CSMD1: variants seen among roughly 807,000 people sequenced by gnomAD.
CSMD1 encodes CUB and Sushi multiple domains 1, also known as CUB and sushi domain-containing protein 1.
Under a neutral mutation model 417.5 loss-of-function variants are expected in CSMD1, and 213 were observed. The observed-to-expected ratio is 0.51, with a 90% CI of 0.46 to 0.57. The LOEUF (loss-of-function observed/expected upper bound fraction) is 0.57, where lower values mean the gene tolerates loss of function less well. Among genes scored for constraint, CSMD1 ranks in the 20% least tolerant of loss-of-function variants. The pLI, the probability that CSMD1 is intolerant of heterozygous loss-of-function variation, is 0.00. For synonymous variants in CSMD1, 2,862 were observed against 1,736.8 expected, an observed-to-expected ratio of 1.65 and a Z score of -16.11; for missense variants, 6,923 against 4,529.7, an observed-to-expected ratio of 1.53 and a Z score of -15.17.
intron 29 of CSMD1, among the ~76,000 whole-genome samples, chr8:3,215,205 A>G (rs1485438279): frequency 2.0e-5 from 3 of 152,356 alleles, no homozygotes; most frequent in East Asian, 3.9e-4. Context: ...AACAACAGAC[A>G]GACTTAGAAG....
intron 5 of CSMD1, among the ~76,000 whole-genome samples, chr8:3,778,361 A>C (rs1375308273): frequency 6.6e-6 from 1 of 152,192 alleles, no homozygotes; most frequent in Non-Finnish European, 1.5e-5. Context: ...AGCTGTCTGG[A>C]ATCATTTCGG....
intron 2 of CSMD1, among the ~76,000 whole-genome samples, chr8:4,458,928 G>C (rs7824287): frequency 6.6e-6 from 1 of 152,194 alleles, no homozygotes; most frequent in South Asian, 2.1e-4. Context: ...TAAGTTTCTG[G>C]AAGTGCATTA....
intron 3 of CSMD1, among the ~76,000 whole-genome samples, chr8:4,163,347 A>T (rs567621993): frequency 9.8e-5 from 15 of 152,290 alleles, no homozygotes; most frequent in African/African-American, 3.1e-4. Flanking sequence ...TCGCATTCCC[A>T]TCAGCCATAA....
intron 1 of CSMD1, among the ~76,000 whole-genome samples, chr8:4,747,689 T>C (rs556853692): frequency 6.6e-6 from 1 of 152,296 alleles, no homozygotes; most frequent in East Asian, 1.9e-4. Context: ...GCACAAGGCT[T>C]TTCCACCTAC....
At chr8:3,453,305 A>G (rs1248848906) in intron 12 of CSMD1, among the ~76,000 whole-genome samples, 1 of 151,560 alleles carries the variant, frequency 6.6e-6, no homozygotes, top group Non-Finnish European at 1.5e-5. Context: ...TTGTGTCTCT[A>G]TTTCGTTCAC....
At chr8:4,270,158 C>G (rs1358088864) in intron 3 of CSMD1, among the ~76,000 whole-genome samples, 3 of 152,186 alleles carry the variant, frequency 2.0e-5, no homozygotes, top group East Asian at 1.9e-4. Flanking sequence ...GGACGAGAGA[C>G]TTGAAGGAGG....
intron 3 of CSMD1, among the ~76,000 whole-genome samples, chr8:4,339,668 T>C (rs1303613255): frequency 6.6e-6 from 1 of 152,042 alleles, no homozygotes; most frequent in Non-Finnish European, 1.5e-5. Context: ...TATGTTATGT[T>C]TGGATGGCCA....
intron 3 of CSMD1, among the ~76,000 whole-genome samples, chr8:4,354,881 T>A (rs192567589): frequency 6.7e-6 from 1 of 149,376 alleles, no homozygotes; most frequent in African/African-American, 2.5e-5. Flanking sequence ...TGTGTGTGTG[T>A]GTGTGTGTGT....
intron 3 of CSMD1, among the ~76,000 whole-genome samples, chr8:4,044,945 G>C (rs1036051648): frequency 6.6e-6 from 1 of 152,196 alleles, no homozygotes; most frequent in Admixed American, 6.5e-5. Context: ...CATGGCATCT[G>C]AGAGTAATTA....
chr8:3,050,810 A>G (rs934283004), intron 50 of CSMD1, among the ~76,000 whole-genome samples: 2 of 152,228 alleles, frequency 1.3e-5, no homozygotes, highest in South Asian at 4.1e-4. Context: ...GATATAAGTT[A>G]GTTTAAAATT....
rs553118045 is a variant in CSMD1, at chr8:3,723,658, C to G, written c.932-15167G>C. 1.1e-3 allele frequency among the ~76,000 whole-genome samples: 80 copies of G among 74,174 alleles called. No homozygotes were observed. The Middle Eastern group carries it at 0.024, about 22-fold the overall frequency. 48.7% of individuals were successfully genotyped at this position (74,174 alleles called of 152,430 possible). A position where few individuals can be genotyped will look rare whatever the true frequency, so the allele number is the denominator to read the frequency against. ...AGTAGTGTCTGTCTTTGTAACTTCC[C>G]AAAACTTAAAGACTTTTTTTGGTAA... On this transcript the variant is annotated intron_variant, in intron 6 of 69. Transcript: ENST00000635120.
At chr8:4,534,496 G>C (rs1029425864) in intron 2 of CSMD1, among the ~76,000 whole-genome samples, 2 of 152,088 alleles carry the variant, frequency 1.3e-5, no homozygotes, top group Non-Finnish European at 2.9e-5. Context: ...AGATACAGCG[G>C]GGTACAGGTG....
At chr8:2,997,502 A>G (rs1171186974) in intron 54 of CSMD1, among the ~76,000 whole-genome samples, 2 of 152,220 alleles carry the variant, frequency 1.3e-5, no homozygotes, top group African/African-American at 4.8e-5. Context: ...GTTGTAATGG[A>G]AAGTAATTGA....
intron 3 of CSMD1, among the ~76,000 whole-genome samples, chr8:4,124,734 T>A (rs902371607): frequency 2.0e-5 from 3 of 152,108 alleles, no homozygotes; most frequent in African/African-American, 7.2e-5. Context: ...CCAGAATGAG[T>A]CACAGCTGCA....
At chr8:3,885,240 C>G (rs949897931) in intron 5 of CSMD1, among the ~76,000 whole-genome samples, 16 of 152,054 alleles carry the variant, frequency 1.1e-4, no homozygotes, top group African/African-American at 3.6e-4. Flanking sequence ...TTAGTGTTCA[C>G]AGAAAATCCT....
chr8:4,123,847 C>G (rs188141534), intron 3 of CSMD1, among the ~76,000 whole-genome samples: 4 of 152,052 alleles, frequency 2.6e-5, no homozygotes, highest in Non-Finnish European at 2.9e-5. Context: ...AATGAGAACA[C>G]GGAACTTTCA....
chr8:4,467,644 T>C (rs1321602799), intron 2 of CSMD1, among the ~76,000 whole-genome samples: 2 of 152,226 alleles, frequency 1.3e-5, no homozygotes, highest in Non-Finnish European at 2.9e-5. Context: ...AATATCTTGT[T>C]TTACCTTTCT....
At chr8:3,520,342 AG>A (rs1797456249) in intron 10 of CSMD1, among the ~76,000 whole-genome samples, 1 of 152,190 alleles carries the variant, frequency 6.6e-6, no homozygotes, top group Non-Finnish European at 1.5e-5. Flanking sequence ...AAACTGCAGA[AG>A]AATATTTTGA....
chr8:3,102,121 T>A (rs1815800667), intron 46 of CSMD1, among the ~76,000 whole-genome samples: 1 of 152,206 alleles, frequency 6.6e-6, no homozygotes, highest in Non-Finnish European at 1.5e-5. Flanking sequence ...GTTATGACAT[T>A]TGAAGAAGAC....
Sources: allele counts gnomAD v4.1 joint callset (sites outside exome capture counted in the v4.1 genomes callset), GRCh38; gene constraint gnomAD v4.1.1; transcripts MANE v1.5; gene names NCBI Gene and HGNC (gene_info 2026-07-23, HGNC 2026-07-21).